The following CNTNAP5 variants were observed in gnomAD, a reference collection of about 807,000 sequenced individuals.
The protein encoded by CNTNAP5 is contactin associated protein family member 5, also known as contactin-associated protein-like 5.
CNTNAP5 carries 72 observed loss-of-function variants against 150.2 expected under a neutral mutation model. The ratio of observed to expected loss-of-function variants is 0.48; its 90% CI spans 0.40 to 0.58. The LOEUF (loss-of-function observed/expected upper bound fraction) is 0.58, where lower values mean the gene tolerates loss of function less well. Among genes scored for constraint, CNTNAP5 ranks in the 20% least tolerant of loss-of-function variants. CNTNAP5 has a pLI of 0.00. For missense variants in CNTNAP5, 1,636 were observed against 1,626.2 expected (o/e 1.01, Z -0.10); for synonymous variants, 672 against 619.8 (o/e 1.08, Z -1.25).
chr2:124,761,412 T>G (rs1020346215), intron 14 of CNTNAP5, among the ~76,000 whole-genome samples: 6 of 152,174 alleles, frequency 3.9e-5, no homozygotes, highest in Non-Finnish European at 7.4e-5. Context: ...CCAGTCAGTG[T>G]GGGTTCCCAT....
intron 1 of CNTNAP5, among the ~76,000 whole-genome samples, chr2:124,105,209 T>C (rs576072505): frequency 1.8e-4 from 27 of 152,360 alleles, no homozygotes; most frequent in Non-Finnish European, 3.2e-4. Context: ...TATTAAATTG[T>C]GTGGGTGTAT....
At chr2:124,848,009 T>C (rs183469540) in intron 19 of CNTNAP5, among the ~76,000 whole-genome samples, 1 of 152,318 alleles carries the variant, frequency 6.6e-6, no homozygotes, top group East Asian at 1.9e-4. Context: ...TTTACTTGAC[T>C]AATAAGGATT....
At chr2:124,445,388 G>A (rs888396916) in intron 5 of CNTNAP5, among the ~76,000 whole-genome samples, 4 of 152,100 alleles carry the variant, frequency 2.6e-5, no homozygotes, top group Admixed American at 6.5e-5. Context: ...GTGAGCCACT[G>A]TACCCGGCTC....
intron 1 of CNTNAP5, among the ~76,000 whole-genome samples, chr2:124,212,795 A>G (rs1686048709): frequency 7.4e-6 from 1 of 135,162 alleles, no homozygotes; most frequent in Non-Finnish European, 1.6e-5. Context: ...TCCTTAACTT[A>G]GGCTTGGCTG....
chr2:124,645,298 A>G (rs954516280), intron 12 of CNTNAP5, among the ~76,000 whole-genome samples: 2 of 152,188 alleles, frequency 1.3e-5, no homozygotes, highest in African/African-American at 4.8e-5. Context: ...ATATAATCTT[A>G]GGTTGGATGC....
chr2:124,307,882 G>A (rs1043326315), intron 3 of CNTNAP5, among the ~76,000 whole-genome samples: 4 of 152,122 alleles, frequency 2.6e-5, no homozygotes, highest in African/African-American at 9.7e-5. Context: ...CAGCTGATTA[G>A]AAATGCCAAA....
chr2:124,125,080 A>T (rs901493640), intron 1 of CNTNAP5, among the ~76,000 whole-genome samples: 2 of 152,196 alleles, frequency 1.3e-5, no homozygotes, highest in African/African-American at 2.4e-5. Flanking sequence ...CTTACATGTA[A>T]ATGGGCTAAA....
At chr2:124,246,218 C>G (rs78175923) in intron 3 of CNTNAP5, among the ~76,000 whole-genome samples, 1 of 152,098 alleles carries the variant, frequency 6.6e-6, no homozygotes, top group Non-Finnish European at 1.5e-5. Flanking sequence ...TCACAAGGTT[C>G]GCTTCAGAAA....
intron 1 of CNTNAP5, among the ~76,000 whole-genome samples, chr2:124,185,789 C>T (rs1417491692): frequency 6.6e-6 from 1 of 152,164 alleles, no homozygotes; most frequent in Non-Finnish European, 1.5e-5. Context: ...GTTCAGTCTT[C>T]CCCAACCATT....
intron 17 of CNTNAP5, among the ~76,000 whole-genome samples, chr2:124,779,230 C>T (rs150170386): frequency 2.4e-4 from 36 of 152,300 alleles, no homozygotes; most frequent in African/African-American, 8.4e-4. Context: ...AGTGACTGAG[C>T]CAGAGTGCAA....
intron 13 of CNTNAP5, among the ~76,000 whole-genome samples, chr2:124,711,944 G>A (rs887663961): frequency 6.6e-6 from 1 of 152,112 alleles, no homozygotes; most frequent in Admixed American, 6.6e-5. Context: ...TTTTCCTTAA[G>A]CCTGACCCTA....
intron 1 of CNTNAP5, among the ~76,000 whole-genome samples, chr2:124,146,132 C>A (rs1178227563): frequency 6.6e-6 from 1 of 152,122 alleles, no homozygotes; most frequent in Non-Finnish European, 1.5e-5. Flanking sequence ...GAGGAGCAGG[C>A]AGGTGTTTGA....
intron 1 of CNTNAP5, among the ~76,000 whole-genome samples, chr2:124,164,071 T>C (rs2579823): frequency 0.036 from 5,428 of 152,284 alleles, 127 homozygotes; most frequent in Middle Eastern, 0.095. Flanking sequence ...TTTCTGGCTC[T>C]GAAAACACTA....
chr2:124,604,727 A>C (rs1314117414), intron 11 of CNTNAP5, among the ~76,000 whole-genome samples: 1 of 152,208 alleles, frequency 6.6e-6, no homozygotes, highest in Non-Finnish European at 1.5e-5. Context: ...GTGTCCATAA[A>C]TGGCAATGCT....
chr2:124,130,016 C>A (rs116243383), intron 1 of CNTNAP5, among the ~76,000 whole-genome samples: 2 of 152,134 alleles, frequency 1.3e-5, no homozygotes, highest in Non-Finnish European at 1.5e-5. Context: ...GGGATCTCAT[C>A]TTCATTCTAT....
chr2:124,492,785 A>G (rs1694061568), intron 7 of CNTNAP5, among the ~76,000 whole-genome samples: 1 of 152,086 alleles, frequency 6.6e-6, no homozygotes. Flanking sequence ...TTGTTAGTGT[A>G]TAGAAATTCA....
At chr2:124,722,146 G>A (rs892863172) in intron 13 of CNTNAP5, among the ~76,000 whole-genome samples, 3 of 152,022 alleles carry the variant, frequency 2.0e-5, no homozygotes, top group African/African-American at 7.2e-5. Flanking sequence ...AAGAATTTGG[G>A]AAGAACACAA....
chr2:124,186,311 A>G (rs1685330855), intron 1 of CNTNAP5, among the ~76,000 whole-genome samples: 1 of 152,274 alleles, frequency 6.6e-6, no homozygotes, highest in African/African-American at 2.4e-5. Context: ...TACTGTAAAT[A>G]TGCTTATCTG....
At chr2:124,210,502 ACT>A (rs1014008035) in intron 1 of CNTNAP5, among the ~76,000 whole-genome samples, 1 of 152,072 alleles carries the variant, frequency 6.6e-6, no homozygotes, top group East Asian at 1.9e-4. Flanking sequence ...AAGTTACATA[ACT>A]CTGTCCATTC....
Sources: gnomAD v4.1 joint callset for allele counts (sites outside exome capture counted in the v4.1 genomes callset) on GRCh38, gnomAD v4.1.1 for gene constraint, MANE v1.5 for transcripts, NCBI Gene and HGNC (gene_info 2026-07-23, HGNC 2026-07-21) for gene names.